ZNF43: variants seen among roughly 807,000 people sequenced by gnomAD.
The protein encoded by ZNF43 is zinc finger protein 43.
In ZNF43, 44 loss-of-function variants were observed where a neutral mutation model predicts 68.4. The ratio of observed to expected loss-of-function variants is 0.64; its 90% CI spans 0.51 to 0.83. ZNF43 has a LOEUF of 0.83. ZNF43 is among the 40% of genes least tolerant of loss of function. ZNF43 has a pLI of 0.00. For synonymous variants in ZNF43, 308 were observed against 307.8 expected (o/e 1.00, Z -0.01); for missense variants, 896 against 933.2 (o/e 0.96, Z 0.52).
intron 1 of ZNF43, among the ~76,000 whole-genome samples, chr19:21,828,713 G>A (rs140629586): frequency 4.2e-5 from 6 of 142,770 alleles, no homozygotes; most frequent in East Asian, 2.2e-4. Context: ...GTGAAACTCC[G>A]TCTCAAAAAA....
chr19:21,818,996 C>T, intron 2 of ZNF43, 99 bp downstream of exon 2: 1 of 1,467,106 alleles, frequency 6.8e-7, no homozygotes, highest in African/African-American at 1.5e-5. Flanking sequence ...ATCTGAAACT[C>T]ATGAATGCAA....
Position 21,808,068 on chromosome 19 carries a change from T to C in ZNF43, c.1969A>G (p.Lys657Glu), listed in dbSNP as rs1468241989. Residue 657 changes from lysine to glutamate, a missense_variant, in exon 4 of 4, where the codon AAA becomes GAA. Coordinates refer to ENST00000354959, the MANE Select transcript of ZNF43 (RefSeq NM_003423.4). ...AGGGTTGAGGACCACTTAAAGGCTT[T>C]GCCACATTCTTCACATTTGTAGGGT... Reference protein sequence around the residue: ...EKPYKCEECGKAFKWSSTLTK... With the variant: ...EKPYKCEECGEAFKWSSTLTK... 5 of 1,612,814 alleles carry C rather than the reference T, an allele frequency of 3.1e-6. No individual in the cohort carries two copies. The South Asian group carries it at 5.5e-5, about 18-fold the overall frequency.
chr19:21,847,447 A>C (rs1422587625), intron 1 of ZNF43, among the ~76,000 whole-genome samples: 1 of 152,132 alleles, frequency 6.6e-6, no homozygotes, highest in Admixed American at 6.5e-5. Context: ...CTATAATCCC[A>C]ATACTTTGGG....
chr19:21,809,623 C>T lies in ZNF43; in HGVS notation c.414G>A (p.Leu138=). The stretch of plus-strand genomic sequence containing the variant: ...GAAATATTTTGCTCTGGGTAGCTGG[C>T]AAACATTGGTTAAATCCATTATAAC... ...RGGYNGFNQC[L]PATQSKIFLF... Residue 138 remains leucine, a synonymous_variant, in exon 4 of 4, where the codon TTG becomes TTA. Transcript: ENST00000354959. The T allele has an allele frequency of 1.2e-6, 2 of 1,611,794 alleles. No individual in the cohort carries two copies. Among genetic ancestry groups the T allele is most frequent in the Non-Finnish European group, 8.5e-7 (1 of 1,179,138 alleles).
chr19:21,816,612 T>C (rs967340304), intron 3 of ZNF43, among the ~76,000 whole-genome samples: 1 of 152,156 alleles, frequency 6.6e-6, no homozygotes, highest in East Asian at 1.9e-4. Context: ...TACTGGTTTA[T>C]AGTGATGCAG....
chr19:21,840,962 CAT>C (rs1460161728), upstream of ZNF43: 2 of 152,194 alleles, frequency 1.3e-5, no homozygotes, highest in African/African-American at 4.8e-5. Flanking sequence ...CACATGATTA[CAT>C]ATGACAGTCA....
intron 1 of ZNF43, among the ~76,000 whole-genome samples, chr19:21,835,185 G>A (rs1190717835): frequency 7.0e-6 from 1 of 143,438 alleles, no homozygotes; most frequent in East Asian, 2.1e-4. Flanking sequence ...GGAGACGGAG[G>A]TTGCAGGGAG....
At chr19:21,827,451 T>C (rs2038192781) in intron 1 of ZNF43, among the ~76,000 whole-genome samples, 1 of 151,096 alleles carries the variant, frequency 6.6e-6, no homozygotes, top group African/African-American at 2.4e-5. Flanking sequence ...AACCTCCGCC[T>C]CCCAGGTTTA....
intron 1 of ZNF43, among the ~76,000 whole-genome samples, chr19:21,832,438 G>A (rs906526511): frequency 6.6e-6 from 1 of 152,070 alleles, no homozygotes; most frequent in African/African-American, 2.4e-5. Context: ...AACTTTGGAA[G>A]GTACCTAGGA....
chr19:21,834,108 C>T (rs910996958), intron 1 of ZNF43, among the ~76,000 whole-genome samples: 7 of 151,892 alleles, frequency 4.6e-5, no homozygotes, highest in East Asian at 1.9e-4. Flanking sequence ...GTGGCGGAGG[C>T]GGGTGGATCA....
At chr19:21,830,289 A>AC (rs199570393) in intron 1 of ZNF43, among the ~76,000 whole-genome samples, 2,487 of 151,288 alleles carry the variant, frequency 0.016, 82 homozygotes, top group African/African-American at 0.057. Flanking sequence ...GAAAAAAAAA[A>AC]ACAAAACAAA....
chr19:21,830,570 A>G (rs2038376353), intron 1 of ZNF43, among the ~76,000 whole-genome samples: 1 of 151,208 alleles, frequency 6.6e-6, no homozygotes, highest in Non-Finnish European at 1.5e-5. Context: ...AAAAAAAAAA[A>G]GTATCCCTGA....
chr19:21,822,840 C>T (rs1199449709), intron 1 of ZNF43, among the ~76,000 whole-genome samples: 1 of 152,008 alleles, frequency 6.6e-6, no homozygotes, highest in Non-Finnish European at 1.5e-5. Flanking sequence ...GTTCCCTATG[C>T]CACTGGGTTA....
intron 1 of ZNF43, among the ~76,000 whole-genome samples, chr19:21,827,662 ATTTT>A (rs74174045): frequency 7.8e-6 from 1 of 128,270 alleles, no homozygotes. Flanking sequence ...GCGCCTGGCC[ATTTT>A]TTTTTTTTTT....
At chr19:21,816,583 C>T (rs1415516680) in intron 3 of ZNF43, among the ~76,000 whole-genome samples, 1 of 152,082 alleles carries the variant, frequency 6.6e-6, no homozygotes, top group East Asian at 1.9e-4. Flanking sequence ...TCCTGTTCTT[C>T]AAAAGGCCTG....
chr19:21,817,784 C>A (rs904933893), intron 3 of ZNF43, 104 bp downstream of exon 3: 1 of 1,225,306 alleles, frequency 8.2e-7, no homozygotes, highest in Non-Finnish European at 1.2e-6. Context: ...GAAACTCTTT[C>A]CTTTGGAACA....
intron 3 of ZNF43, among the ~76,000 whole-genome samples, chr19:21,815,904 CA>C (rs1449085426): frequency 6.6e-6 from 1 of 151,382 alleles, no homozygotes; most frequent in African/African-American, 2.4e-5. Flanking sequence ...ACTTAAAATA[CA>C]AAAAAATTAG....
upstream of ZNF43, chr19:21,836,262 C>A: frequency 2.2e-6 from 3 of 1,374,472 alleles, no homozygotes; most frequent in Non-Finnish European, 2.8e-6. Context: ...CCCAGCGTCC[C>A]TGATTGGATA....
chr19:21,834,350 AAAAGT>A (rs1407974997), intron 1 of ZNF43, among the ~76,000 whole-genome samples: 6 of 149,776 alleles, frequency 4.0e-5, no homozygotes, highest in Non-Finnish European at 8.9e-5. Context: ...AAAAAAAAAA[AAAAGT>A]AAAGAAAAAA....
Sources: gnomAD v4.1 joint callset for allele counts (sites outside exome capture counted in the v4.1 genomes callset) on GRCh38, gnomAD v4.1.1 for gene constraint, MANE v1.5 for transcripts, NCBI Gene and HGNC (gene_info 2026-07-23, HGNC 2026-07-21) for gene names.